Variants in FAM135B observed in about 807,000 individuals in gnomAD.
FAM135B encodes the protein protein FAM135B.
A neutral mutation model predicts 127.7 loss-of-function variants in FAM135B; 43 were observed. That is an observed-to-expected ratio of 0.34 (90% CI 0.26 to 0.43). The LOEUF is 0.43. FAM135B is among the 20% of genes least tolerant of loss of function. The pLI, the probability that FAM135B is intolerant of heterozygous loss-of-function variation, is 1.00. For missense variants in FAM135B, 1,558 were observed against 1,725.6 expected (o/e 0.90, Z 1.72); for synonymous variants, 670 against 665.1 (o/e 1.01, Z -0.11).
In FAM135B at chr8:138,151,921, C is replaced by G. The variant is rs1818194907; in HGVS notation, c.2554G>C (p.Gly852Arg). The change falls in exon 13 of 20, where the codon GGG becomes CGG. Residue 852 changes from glycine to arginine, a missense_variant. Coordinates refer to ENST00000395297, the MANE Select transcript of FAM135B (RefSeq NM_015912.4). ...TGTCCTTGAGCATCAAACTGCTTCC[C>G]TTTCCCTTTGGGGATGTCTATGTAT... ...PGYIDIPKGKGKQFDAQGHCL... is the reference protein window; with the variant it reads ...PGYIDIPKGKRKQFDAQGHCL... 1 of 1,614,208 alleles carries G rather than the reference C, an allele frequency of 6.2e-7. No homozygotes were observed. Among genetic ancestry groups the G allele is most frequent in the Non-Finnish European group, 8.5e-7 (1 of 1,180,042 alleles).
At chr8:138,289,215 C>T (rs1302958378) in intron 3 of FAM135B, among the ~76,000 whole-genome samples, 1 of 152,180 alleles carries the variant, frequency 6.6e-6, no homozygotes, top group Non-Finnish European at 1.5e-5. Context: ...GTCCAAGCCT[C>T]TGCCATCAGG....
intron 2 of FAM135B, among the ~76,000 whole-genome samples, chr8:138,334,389 T>C (rs538076316): frequency 6.6e-6 from 1 of 152,356 alleles, no homozygotes; most frequent in Non-Finnish European, 1.5e-5. Context: ...TTGTTTTCTT[T>C]TTTAAAAACT....
At chr8:138,454,521 C>T (rs1241959731) in intron 1 of FAM135B, among the ~76,000 whole-genome samples, 2 of 152,176 alleles carry the variant, frequency 1.3e-5, no homozygotes, top group Non-Finnish European at 2.9e-5. Context: ...GAAACTGAGG[C>T]CAAACATGTT....
rs61711697 is a variant in FAM135B, at chr8:138,494,087, C to G, written c.-20+2584G>C. ...GATTTCAGTTATCCTAAAGTGCCCA[C>G]TTGAAAAAAAATGAGCATTTTAAAG... is the stretch of plus-strand genomic sequence containing the variant. On this transcript the variant is annotated intron_variant, in intron 1 of 19. Transcript: ENST00000395297. Among the ~76,000 whole-genome samples, 1,306 of 152,312 alleles carry G rather than the reference C, an allele frequency of 8.6e-3. 17 individuals are homozygous for G. The highest frequency in any genetic ancestry group is 0.029 in the African/African-American group (1,185 of 41,574).
chr8:138,269,830 A>AGG, intron 3 of FAM135B, among the ~76,000 whole-genome samples: 1 of 152,220 alleles, frequency 6.6e-6, no homozygotes, highest in Non-Finnish European at 1.5e-5. Flanking sequence ...CTGAAAAATT[A>AGG]TCAAAATCCA....
At chr8:138,255,143 C>T (rs1821979899) in intron 5 of FAM135B, among the ~76,000 whole-genome samples, 1 of 151,522 alleles carries the variant, frequency 6.6e-6, no homozygotes, top group African/African-American at 2.4e-5. Context: ...AATCTTTCCA[C>T]CTCAGCCTGC....
At chr8:138,305,031 C>A (rs2130863057) in intron 3 of FAM135B, among the ~76,000 whole-genome samples, 1 of 152,284 alleles carries the variant, frequency 6.6e-6, no homozygotes, top group South Asian at 2.1e-4. Context: ...CAGTGTTTTA[C>A]CTGCTTAGAA....
chr8:138,271,196 T>A (rs2130675566), intron 3 of FAM135B, among the ~76,000 whole-genome samples: 1 of 152,340 alleles, frequency 6.6e-6, no homozygotes, highest in South Asian at 2.1e-4. Context: ...GATGCAATTC[T>A]GCTTGTACCT....
At chr8:138,425,923 C>A (rs1486757627) in intron 1 of FAM135B, among the ~76,000 whole-genome samples, 2 of 141,492 alleles carry the variant, frequency 1.4e-5, no homozygotes, top group Non-Finnish European at 3.1e-5. Flanking sequence ...CCAAGGCGGG[C>A]AGATCACCTG....
chr8:138,153,179 T>G lies in FAM135B; in HGVS notation c.1296A>C (p.Pro432=), dbSNP rs755342790. 22 of 1,591,414 alleles carry G rather than the reference T, an allele frequency of 1.4e-5. No individual in the cohort carries two copies. In the Middle Eastern group the frequency reaches 5.0e-4, roughly 36 times the overall value. ...GATTCATTATTGTAGGACTTGTCACTGGAACATCAAAATTAGGATAAACAC... is the reference window on the plus strand; with the variant it reads ...GATTCATTATTGTAGGACTTGTCACGGGAACATCAAAATTAGGATAAACAC... ...NLSVYPNFDV[P]VTSPTIMNLK... Residue 432 remains proline (P), a synonymous_variant, in exon 13 of 20, where the codon CCA becomes CCC. Coordinates refer to ENST00000395297, the MANE Select transcript of FAM135B (RefSeq NM_015912.4).
intron 18 of FAM135B, among the ~76,000 whole-genome samples, chr8:138,138,166 CCTT>C (rs1409214483): frequency 1.3e-5 from 2 of 152,210 alleles, no homozygotes; most frequent in African/African-American, 4.8e-5. Flanking sequence ...TGCAGTCCCA[CCTT>C]CTTCTGCCAA....
chr8:138,166,247 G>A lies in FAM135B; in HGVS notation c.1258+1648C>T, dbSNP rs1013046756. ...AGAGCCTGATGTTTTTCTGATCCTC[G>A]AAGGGACACAGGACAATTTAGCTTG... On this transcript the variant is annotated intron_variant, in intron 12 of 19. Transcript: ENST00000395297. Among the ~76,000 whole-genome samples the A allele has an allele frequency of 3.9e-5, 6 of 152,148 alleles. No homozygotes were observed. The East Asian group carries it at 5.8e-4, about 15-fold the overall frequency.
chr8:138,458,973 T>C (rs1009209082), intron 1 of FAM135B: 1 of 152,098 alleles, frequency 6.6e-6, no homozygotes, highest in South Asian at 2.1e-4. Flanking sequence ...AGTACATGTG[T>C]GTGAAATTCC....
rs549165953 is a variant in FAM135B at position 138,466,817 on chromosome 8, G to A, written c.-20+29854C>T. Among the ~76,000 whole-genome samples, 7 of 152,272 alleles carry A rather than the reference G, an allele frequency of 4.6e-5. No individual in the cohort carries two copies. In the South Asian group the frequency reaches 1.2e-3, roughly 27 times the overall value. On this transcript the variant is annotated intron_variant, in intron 1 of 19. Transcript: ENST00000395297. Reference sequence around the variant, plus strand: ...CTAAAAGTTTTACGTCAACCTCAGCGGTTAAAAGGTTTTTTATTTCCTTTC... The same window carrying A: ...CTAAAAGTTTTACGTCAACCTCAGCAGTTAAAAGGTTTTTTATTTCCTTTC...
chr8:138,228,923 T>G (rs781402418), intron 7 of FAM135B, among the ~76,000 whole-genome samples: 1 of 152,142 alleles, frequency 6.6e-6, no homozygotes, highest in Admixed American at 6.5e-5. Flanking sequence ...ATCCAGTAAA[T>G]AGGTATGAAG....
At chr8:138,208,127 C>A (rs72723619) in intron 7 of FAM135B, among the ~76,000 whole-genome samples, 2 of 152,166 alleles carry the variant, frequency 1.3e-5, no homozygotes, top group African/African-American at 4.8e-5. Flanking sequence ...GCCTCAGAAG[C>A]CTCCTATCAC....
At chr8:138,491,628 T>C (rs1815204464) in intron 1 of FAM135B, among the ~76,000 whole-genome samples, 2 of 152,056 alleles carry the variant, frequency 1.3e-5, no homozygotes, top group Admixed American at 1.3e-4. Context: ...CATTCATTCA[T>C]TCAGCAAACA....
At chr8:138,344,577 C>CTTTTTTTTTT (rs869039075) in intron 2 of FAM135B, among the ~76,000 whole-genome samples, 51 of 83,938 alleles carry the variant, frequency 6.1e-4, no homozygotes, top group Middle Eastern at 6.6e-3. Flanking sequence ...TTCTTTCTTT[C>CTTTTTTTTTT]TTTTTTTTTT....
chr8:138,476,299 A>C (rs1361422489), intron 1 of FAM135B, among the ~76,000 whole-genome samples: 1 of 152,172 alleles, frequency 6.6e-6, no homozygotes, highest in Non-Finnish European at 1.5e-5. Context: ...ATATCATTAA[A>C]CATTTATCAA....
Sources: gnomAD v4.1 joint callset for allele counts (sites outside exome capture counted in the v4.1 genomes callset) on GRCh38, gnomAD v4.1.1 for gene constraint, MANE v1.5 for transcripts, NCBI Gene and HGNC (gene_info 2026-07-23, HGNC 2026-07-21) for gene names.